NFAT5: variants seen among roughly 807,000 people sequenced by gnomAD.
NFAT5 encodes nuclear factor of activated T cells 5.
NFAT5 carries 31 observed loss-of-function variants against 166.5 expected under a neutral mutation model. That is an observed-to-expected ratio of 0.19 (90% confidence interval 0.14 to 0.25). The LOEUF is 0.25. Among genes scored for constraint, NFAT5 ranks in the 10% least tolerant of loss-of-function variants. The probability of loss-of-function intolerance (pLI) is 1.00; values close to 1 mark genes in which losing one functional copy is unlikely to be tolerated. For synonymous variants in NFAT5, 612 were observed against 639.7 expected (o/e 0.96, Z 0.65); for missense variants, 1,449 against 1,821.8 (o/e 0.80, Z 3.72).
At chr16:69,634,521 T>G (rs2034869207) in intron 3 of NFAT5, among the ~76,000 whole-genome samples, 1 of 152,196 alleles carries the variant, frequency 6.6e-6, no homozygotes, top group African/African-American at 2.4e-5. Context: ...CATCCATCAT[T>G]GCATATATGT....
At chr16:69,612,378 A>G (rs926089429) in intron 2 of NFAT5, among the ~76,000 whole-genome samples, 6 of 151,988 alleles carry the variant, frequency 3.9e-5, no homozygotes, top group African/African-American at 1.5e-4. Context: ...GTTATATTCA[A>G]GTGAAAATTT....
chr16:69,694,335 C>G, intron 13 of NFAT5, 96 bp downstream of exon 13: 2 of 902,692 alleles, frequency 2.2e-6, no homozygotes, highest in African/African-American at 1.7e-5. Context: ...TGCACCTGCA[C>G]CCTCTGCCTC....
chr16:69,595,214 A>G (rs1005514890), intron 2 of NFAT5, among the ~76,000 whole-genome samples: 1 of 152,194 alleles, frequency 6.6e-6, no homozygotes, highest in Non-Finnish European at 1.5e-5. Context: ...ATACTATAAT[A>G]AAAGTTATGT....
intron 11 of NFAT5, chr16:69,690,619 C>T (rs1182387560): frequency 6.4e-6 from 1 of 156,310 alleles, no homozygotes; most frequent in East Asian, 1.8e-4. Flanking sequence ...AAGCTGTATC[C>T]TATAATATAC....
intron 11 of NFAT5, chr16:69,685,188 ATATTT>A (rs1364720428): frequency 0.041 from 3,813 of 93,482 alleles, 140 homozygotes; most frequent in African/African-American, 0.12. Context: ...ATATATATAT[ATATTT>A]TTTTTTTTAA....
At chr16:69,690,794 T>A in intron 11 of NFAT5, 146 bp from the exon 12 acceptor site, 1 of 554,148 alleles carries the variant, frequency 1.8e-6, no homozygotes, top group East Asian at 3.3e-5. Flanking sequence ...AAGATATATC[T>A]TAATATACCA....
intron 2 of NFAT5, among the ~76,000 whole-genome samples, chr16:69,583,608 A>G (rs1477099885): frequency 2.0e-5 from 3 of 152,190 alleles, no homozygotes; most frequent in African/African-American, 7.2e-5. Flanking sequence ...TCAGTCATAG[A>G]TCTAAAGCTG....
At position 69,691,004 on chromosome 16, in the gene NFAT5, A is replaced by C. The variant is rs140085549; in HGVS notation, c.1839A>C (p.Pro613=). ...TTATCCCTAATGCCCTGATGACTCCACTCATACCAAGCAGTATGATTAAGA... is the reference window on the plus strand; with the variant it reads ...TTATCCCTAATGCCCTGATGACTCCCCTCATACCAAGCAGTATGATTAAGA... ...VNIIPNALMT[P]LIPSSMIKSE... Residue 613 remains proline, a synonymous_variant, in exon 12 of 15, where the codon CCA becomes CCC. Coordinates refer to ENST00000349945, the MANE Select transcript of NFAT5 (RefSeq NM_138713.4). The C allele has an allele frequency of 1.2e-6, 2 of 1,609,576 alleles. No homozygotes were observed.
At chr16:69,671,538 T>C (rs1451865803) in intron 9 of NFAT5, among the ~76,000 whole-genome samples, 1 of 152,288 alleles carries the variant, frequency 6.6e-6, no homozygotes, top group East Asian at 1.9e-4. Flanking sequence ...GTCCAGCTAA[T>C]TTTTGTATTT....
intron 2 of NFAT5, among the ~76,000 whole-genome samples, chr16:69,592,453 A>G (rs548222205): frequency 1.6e-4 from 24 of 152,252 alleles, no homozygotes; most frequent in African/African-American, 4.8e-4. Flanking sequence ...AAAAATTATT[A>G]TAGTATCTAA....
chr16:69,638,693 A>G (rs2035074144), intron 3 of NFAT5, among the ~76,000 whole-genome samples: 1 of 148,942 alleles, frequency 6.7e-6, no homozygotes, highest in Non-Finnish European at 1.5e-5. Flanking sequence ...CTGAGATTGC[A>G]CCACTGCACT....
At chr16:69,684,559 CA>C (rs1266203562) in intron 10 of NFAT5, among the ~76,000 whole-genome samples, 4 of 147,826 alleles carry the variant, frequency 2.7e-5, no homozygotes, top group Middle Eastern at 3.4e-3. Context: ...GACTCTGTCG[CA>C]AAAAAAAAGA....
At chr16:69,640,487 A>G (rs928351509) in intron 3 of NFAT5, among the ~76,000 whole-genome samples, 1 of 152,170 alleles carries the variant, frequency 6.6e-6, no homozygotes, top group Admixed American at 6.5e-5. Flanking sequence ...TGTGTTCTAG[A>G]TATTTCAATC....
At chr16:69,630,993 T>A (rs1404200708) in intron 3 of NFAT5, among the ~76,000 whole-genome samples, 8 of 152,260 alleles carry the variant, frequency 5.3e-5, no homozygotes, top group Non-Finnish European at 4.4e-5. Context: ...ATCAAGTTAC[T>A]TTCTTGTTCT....
intron 2 of NFAT5, among the ~76,000 whole-genome samples, chr16:69,585,662 G>A (rs1202913555): frequency 1.6e-4 from 24 of 152,172 alleles, no homozygotes; most frequent in Admixed American, 1.6e-3. Flanking sequence ...AAGGAATGAA[G>A]TTCTGTTACA....
At chr16:69,594,147 G>C (rs572125638) in intron 2 of NFAT5, among the ~76,000 whole-genome samples, 6 of 152,286 alleles carry the variant, frequency 3.9e-5, no homozygotes, top group African/African-American at 7.2e-5. Context: ...TATGTTCTGA[G>C]AAATGCGTCA....
chr16:69,649,044 T>C (rs1226881869), intron 4 of NFAT5: 1 of 877,118 alleles, frequency 1.1e-6, no homozygotes, highest in African/African-American at 1.8e-5. Flanking sequence ...GTAAATTACC[T>C]AAAAGAAAAT....
At chr16:69,658,632 A>G (rs1272994832) in intron 6 of NFAT5, among the ~76,000 whole-genome samples, 2 of 152,006 alleles carry the variant, frequency 1.3e-5, no homozygotes, top group Non-Finnish European at 2.9e-5. Flanking sequence ...GTTCGAGACC[A>G]ACCTAGGCAA....
chr16:69,695,424 ATTC>A (rs1281661415), intron 14 of NFAT5, 45 bp downstream of exon 14: 18 of 1,365,962 alleles, frequency 1.3e-5, no homozygotes, highest in African/African-American at 1.0e-4. Context: ...ATCAGATTTT[ATTC>A]TTCTTAACAG....
Sources: gnomAD v4.1 joint callset for allele counts (sites outside exome capture counted in the v4.1 genomes callset) on GRCh38, gnomAD v4.1.1 for gene constraint, MANE v1.5 for transcripts, NCBI Gene and HGNC (gene_info 2026-07-23, HGNC 2026-07-21) for gene names.